Variants in NRG2 observed in about 807,000 individuals in gnomAD.
NRG2 encodes the protein pro-neuregulin-2, membrane-bound isoform.
A neutral mutation model predicts 73.9 loss-of-function variants in NRG2; 27 were observed. That is an observed-to-expected ratio of 0.37 (90% CI 0.27 to 0.50). NRG2 has a LOEUF of 0.50. Ranked by LOEUF, NRG2 falls within the 20% of genes least tolerant of loss-of-function variation. The pLI, the probability that NRG2 is intolerant of heterozygous loss-of-function variation, is 0.96. For missense variants in NRG2, 1,126 were observed against 1,210.1 expected, an observed-to-expected ratio of 0.93 and a Z score of 1.03; for synonymous variants, 532 against 541.0, an observed-to-expected ratio of 0.98 and a Z score of 0.23.
rs1366540446 is a variant in NRG2 at position 139,956,867 on chromosome 5, G to A, written c.701-69356C>T. Among the ~76,000 whole-genome samples, 4 of 152,200 alleles carry A rather than the reference G, an allele frequency of 2.6e-5. No homozygotes were observed. The East Asian group carries it at 5.8e-4, about 22-fold the overall frequency. On this transcript the variant is annotated intron_variant, in intron 1 of 9. Transcript: ENST00000361474. ...CTGCCCTCAACCCCTCCCCAGCTTC[G>A]TGGTACAGTGGGTGTGCCCAAGGAC...
intron 1 of NRG2, among the ~76,000 whole-genome samples, chr5:140,006,061 T>C (rs1460429445): frequency 1.3e-5 from 2 of 152,202 alleles, no homozygotes; most frequent in Non-Finnish European, 2.9e-5. Context: ...TGTTGCCCCA[T>C]TCCTGGGGCA....
intron 1 of NRG2, among the ~76,000 whole-genome samples, chr5:140,026,876 C>A (rs1336423194): frequency 6.6e-6 from 1 of 152,134 alleles, no homozygotes; most frequent in Non-Finnish European, 1.5e-5. Flanking sequence ...AGATATTGAG[C>A]TCAGTTTGAG....
At chr5:139,985,286 G>A (rs1009546555) in intron 1 of NRG2, among the ~76,000 whole-genome samples, 14 of 151,114 alleles carry the variant, frequency 9.3e-5, no homozygotes, top group African/African-American at 3.4e-4. Context: ...GCTGCAGTGA[G>A]CCGAGACTGC....
chr5:139,916,455 G>A (rs1751262230), intron 1 of NRG2, among the ~76,000 whole-genome samples: 1 of 152,118 alleles, frequency 6.6e-6, no homozygotes, highest in Non-Finnish European at 1.5e-5. Context: ...CACTTTTGTG[G>A]TCTATTCACA....
At chr5:139,862,744 G>T (rs967269079) in intron 5 of NRG2, among the ~76,000 whole-genome samples, 5 of 152,262 alleles carry the variant, frequency 3.3e-5, no homozygotes, top group Admixed American at 3.3e-4. Flanking sequence ...GAACATGATT[G>T]TGTGTTTGTG....
intron 1 of NRG2, among the ~76,000 whole-genome samples, chr5:139,946,244 G>A (rs959873974): frequency 7.9e-5 from 12 of 151,946 alleles, no homozygotes; most frequent in African/African-American, 2.4e-4. Context: ...AAGACAGTGC[G>A]GTATCAGAAT....
chr5:139,932,260 G>GTGTGTA (rs1419606499), intron 1 of NRG2, among the ~76,000 whole-genome samples: 5 of 114,852 alleles, frequency 4.4e-5, no homozygotes, highest in Non-Finnish European at 5.4e-5. Flanking sequence ...GTGTGTGTGT[G>GTGTGTA]TATACACAGT....
chr5:139,872,977 G>A (rs1561643842), intron 3 of NRG2, among the ~76,000 whole-genome samples: 1 of 152,108 alleles, frequency 6.6e-6, no homozygotes, highest in Non-Finnish European at 1.5e-5. Flanking sequence ...TACCCCAGCT[G>A]GCCCTGTCTC....
At chr5:139,888,394 A>G (rs1764007780) in intron 1 of NRG2, among the ~76,000 whole-genome samples, 4 of 152,206 alleles carry the variant, frequency 2.6e-5, no homozygotes, top group Non-Finnish European at 2.9e-5. Context: ...AAGCTCAGGT[A>G]TCAAGATTTG....
chr5:139,914,059 G>C (rs571115892), intron 1 of NRG2, among the ~76,000 whole-genome samples: 1 of 152,286 alleles, frequency 6.6e-6, no homozygotes, highest in Admixed American at 6.5e-5. Flanking sequence ...GAGGCTGAGA[G>C]GTGGGAGAAT....
chr5:139,904,352 G>C lies in NRG2; in HGVS notation c.701-16841C>G, dbSNP rs1370698565. 1.3e-6 allele frequency: 2 copies of C among 1,592,914 alleles called. No individual in the cohort carries two copies. Among genetic ancestry groups the C allele is most frequent in the South Asian group, 1.1e-5 (1 of 90,072 alleles). ...TCCCTCTCCCGCTTCCTCCCCTCTG[G>C]GTGCTTCTTGCCGCGGCCGCGGCCC... On this transcript the variant is annotated intron_variant, in intron 1 of 9. Transcript: ENST00000361474. This position sits in a 1 kb window ranked among gnomAD's most constrained non-coding sequence, Gnocchi z 6.0.
chr5:139,869,725 G>A lies in NRG2; in HGVS notation c.1112+1996C>T, dbSNP rs1254125428. On this transcript the variant is annotated intron_variant, in intron 4 of 9. Transcript: ENST00000361474. The surrounding 1 kb of genome is among the most constrained non-coding windows in gnomAD (Gnocchi z 4.5). ...GCAGTGCAGCCCAGGTGCCCTGGTGGGAAAGGGAACAGGGCACCATCTTCA... is the reference window on the plus strand; with the variant it reads ...GCAGTGCAGCCCAGGTGCCCTGGTGAGAAAGGGAACAGGGCACCATCTTCA... 2 of 152,286 alleles carry A rather than the reference G, an allele frequency of 1.3e-5. No individual in the cohort carries two copies. Among genetic ancestry groups the A allele is most frequent in the East Asian group, 1.9e-4 (1 of 5,198 alleles). 9.4% of individuals were successfully genotyped at this position (152,286 alleles called of 1,614,324 possible). A position where few individuals can be genotyped will look rare whatever the true frequency, so the allele number is the denominator to read the frequency against.
At chr5:139,933,992 A>G (rs1752662590) in intron 1 of NRG2, among the ~76,000 whole-genome samples, 1 of 152,192 alleles carries the variant, frequency 6.6e-6, no homozygotes, top group Non-Finnish European at 1.5e-5. Flanking sequence ...TGAGCTCAGG[A>G]GTTTGAGATC....
intron 1 of NRG2, among the ~76,000 whole-genome samples, chr5:140,029,571 A>G (rs2126686393): frequency 6.6e-6 from 1 of 151,966 alleles, no homozygotes; most frequent in African/African-American, 2.4e-5. Context: ...ACTCGCCTTT[A>G]AAAGTCAGCT....
intron 2 of NRG2, 111 bp from the exon 3 acceptor site, chr5:139,881,085 C>T: frequency 1.2e-6 from 1 of 804,474 alleles, no homozygotes; most frequent in Non-Finnish European, 2.1e-6. Flanking sequence ...GGCCCTGCAG[C>T]TTAGATGGGA....
At chr5:139,850,178 C>T (rs1372050758) in intron 9 of NRG2, among the ~76,000 whole-genome samples, 2 of 152,258 alleles carry the variant, frequency 1.3e-5, no homozygotes, top group African/African-American at 4.8e-5. Flanking sequence ...ACCTAGTGAG[C>T]ATCAGCTCCA....
intron 1 of NRG2, among the ~76,000 whole-genome samples, chr5:139,922,795 A>T (rs1002967106): frequency 4.6e-5 from 7 of 152,246 alleles, no homozygotes; most frequent in South Asian, 4.1e-4. Context: ...CTATCAAGCC[A>T]TGAAAAGACA....
intron 1 of NRG2, among the ~76,000 whole-genome samples, chr5:139,931,524 G>A (rs1019579513): frequency 2.0e-5 from 3 of 152,194 alleles, no homozygotes; most frequent in African/African-American, 4.8e-5. Context: ...GTTAAAGAGT[G>A]AAGCCCAAAG....
intron 1 of NRG2, among the ~76,000 whole-genome samples, chr5:139,906,095 C>T (rs1428325706): frequency 6.6e-6 from 1 of 152,120 alleles, no homozygotes; most frequent in African/African-American, 2.4e-5. Context: ...GCAACCTCCT[C>T]CTCTCGGGTT....
Sources: gnomAD v4.1 joint callset for allele counts (sites outside exome capture counted in the v4.1 genomes callset) on GRCh38, gnomAD v4.1.1 for gene constraint, Gnocchi (gnomAD v3.1) non-coding constraint, MANE v1.5 for transcripts, NCBI Gene and HGNC (gene_info 2026-07-23, HGNC 2026-07-21) for gene names.